TKTL1: variants seen among roughly 807,000 people sequenced by gnomAD.
TKTL1 encodes transketolase-like protein 1.
Under a neutral mutation model 39.3 loss-of-function variants are expected in TKTL1, and 1 was observed. That is an observed-to-expected ratio of 0.03 (90% CI 0.01 to 0.12). The LOEUF (loss-of-function observed/expected upper bound fraction) is 0.12. TKTL1 is among the 10% of genes least tolerant of loss of function. The probability of loss-of-function intolerance (pLI) is 1.00; values close to 1 mark genes in which losing one functional copy is unlikely to be tolerated. For missense variants in TKTL1, 575 were observed against 509.6 expected, an observed-to-expected ratio of 1.13 and a Z score of -1.24; for synonymous variants, 262 against 193.8, an observed-to-expected ratio of 1.35 and a Z score of -2.92.
chrX:154,298,145 G>C (rs2067245247), intron 1 of TKTL1, among the ~76,000 whole-genome samples: 1 of 111,291 alleles, frequency 9.0e-6, no homozygotes, highest in Admixed American at 9.6e-5. Flanking sequence ...TTGGCATGCA[G>C]TTATTCATAG....
intron 1 of TKTL1, among the ~76,000 whole-genome samples, chrX:154,304,619 TGGG>T (rs1178987039): frequency 1.9e-5 from 2 of 107,865 alleles, no homozygotes; most frequent in African/African-American, 6.8e-5. Flanking sequence ...ATTAAGAAAA[TGGG>T]GGAGGGACAG....
At chrX:154,322,229 C>CAAA (rs34229834) in intron 8 of TKTL1, among the ~76,000 whole-genome samples, 9 of 41,806 alleles carry the variant, frequency 2.2e-4, no homozygotes, top group Non-Finnish European at 3.5e-4. Context: ...GAGGCTTTGT[C>CAAA]AAAAAAAAAA....
At chrX:154,297,537 T>C (rs2067240250) in intron 1 of TKTL1, among the ~76,000 whole-genome samples, 1 of 111,913 alleles carries the variant, frequency 8.9e-6, no homozygotes, top group Admixed American at 9.4e-5. Flanking sequence ...ATTACAGGCG[T>C]GAGCCACCGC....
intron 6 of TKTL1, among the ~76,000 whole-genome samples, chrX:154,313,811 A>G (rs372513447): frequency 9.1e-6 from 1 of 109,392 alleles, no homozygotes; most frequent in African/African-American, 3.3e-5. Flanking sequence ...GTGCCATAAT[A>G]TGGTTCCAGG....
chrX:154,302,779 A>G (rs1307154759), intron 1 of TKTL1, among the ~76,000 whole-genome samples: 1 of 111,763 alleles, frequency 8.9e-6, no homozygotes, highest in African/African-American at 3.3e-5. Context: ...TCCAGTGACT[A>G]GTGTCCTTAT....
intron 6 of TKTL1, among the ~76,000 whole-genome samples, chrX:154,314,708 A>G (rs1281040920): frequency 5.4e-5 from 6 of 111,017 alleles, no homozygotes; most frequent in Non-Finnish European, 7.6e-5. Flanking sequence ...TATTTTTAGT[A>G]GAGACGGGGT....
intron 5 of TKTL1, 64 bp downstream of exon 5, chrX:154,311,302 C>T (rs2067355865): frequency 1.5e-5 from 18 of 1,194,309 alleles, no homozygotes; most frequent in Admixed American, 2.2e-5. Flanking sequence ...GCAGCAGAGG[C>T]GGGAGAGGCT....
At chrX:154,307,848 A>G (rs2067327032) in intron 2 of TKTL1, among the ~76,000 whole-genome samples, 1 of 111,953 alleles carries the variant, frequency 8.9e-6, no homozygotes, top group African/African-American at 3.2e-5. Context: ...GCATAGTCAA[A>G]AGAGACTTGA....
chrX:154,316,142 T>C (rs2067398098), intron 7 of TKTL1, among the ~76,000 whole-genome samples: 1 of 111,617 alleles, frequency 9.0e-6, no homozygotes, highest in Non-Finnish European at 1.9e-5. Flanking sequence ...AGTGCTCAGC[T>C]CACTGCAAGC....
Position 154,311,225 on chromosome X carries a change from C to T in TKTL1, c.657C>T (p.Gly219=). ...CTGTGGTGGCCAAGACCTTCAAGGG[C>T]CGGGGCACCCCAAGTAAGCAAGCAC... The part of the protein sequence containing the change: ...PTAVVAKTFK[G]RGTPSIEDAE... The change falls in exon 5 of 13, where the codon GGC becomes GGT. Residue 219 remains glycine (G), a synonymous_variant. Transcript: ENST00000369915. 1 of 1,211,434 alleles carries T rather than the reference C, an allele frequency of 8.3e-7. No individual in the cohort carries two copies. Among genetic ancestry groups the T allele is most frequent in the Non-Finnish European group, 1.1e-6 (1 of 895,147 alleles).
chrX:154,321,308 A>T (rs1335146232), intron 8 of TKTL1, among the ~76,000 whole-genome samples: 1 of 108,918 alleles, frequency 9.2e-6, no homozygotes, highest in Admixed American at 9.8e-5. Context: ...CTCAGGTGGG[A>T]GGGGGGCTGG....
At chrX:154,297,521 G>A (rs1480501021) in intron 1 of TKTL1, among the ~76,000 whole-genome samples, 1 of 111,908 alleles carries the variant, frequency 8.9e-6, no homozygotes, top group Non-Finnish European at 1.9e-5. Context: ...CTCCCAAAGT[G>A]CTGGGATTAC....
Position 154,295,817 on chromosome X carries a change from G to T in TKTL1, c.-43G>T, listed in dbSNP as rs782472980. ...GGCGCCATTCGCTCTTCAGACGCCGGAGACGTAGGAGTGGGTCTTCAGACT... is the reference window on the plus strand; with the variant it reads ...GGCGCCATTCGCTCTTCAGACGCCGTAGACGTAGGAGTGGGTCTTCAGACT... On this transcript the variant is annotated 5_prime_UTR_variant, in exon 1 of 13. Transcript: ENST00000369915. 6.7e-6 allele frequency: 8 copies of T among 1,191,740 alleles called. No individual in the cohort carries two copies. The highest frequency in any genetic ancestry group is 9.0e-6 in the Non-Finnish European group (8 of 884,977).
chrX:154,298,225 T>C (rs942931610), intron 1 of TKTL1, among the ~76,000 whole-genome samples: 2 of 111,107 alleles, frequency 1.8e-5, no homozygotes, highest in Non-Finnish European at 3.8e-5. Flanking sequence ...TTGTACTTTT[T>C]TTTTTTAAGC....
At position 154,295,961 on chromosome X, in the gene TKTL1, T is replaced by C. The variant is rs935490543; in HGVS notation, c.102T>C (p.His34=). 60 of 1,210,012 alleles carry C rather than the reference T, an allele frequency of 5.0e-5. No individual in the cohort carries two copies. Among genetic ancestry groups the C allele is most frequent in the Non-Finnish European group, 6.5e-5 (58 of 895,078 alleles). The change falls in exon 1 of 13, where the codon CAT becomes CAC. Residue 34 remains histidine (H), a synonymous_variant. Transcript: ENST00000369915. ...LQDMASRLRI[H]SIRATCSTSS... The stretch of plus-strand genomic sequence containing the variant: ...ATATGGCCAGCCGCTTGCGAATCCA[T>C]TCCATCAGGGCCACATGCTCCACGA...
At chrX:154,315,386 G>A in intron 7 of TKTL1, 49 bp downstream of exon 7, 4 of 1,084,223 alleles carry the variant, frequency 3.7e-6, no homozygotes, top group South Asian at 4.5e-5. Context: ...TGGCCCACTG[G>A]ACACAGGAGG....
rs138672715 is a variant in TKTL1, at chrX:154,302,340, G to C, written c.135-2964G>C. 2.1e-3 allele frequency among the ~76,000 whole-genome samples: 234 copies of C among 111,046 alleles called. 1 individual carries two copies. In the East Asian group the frequency reaches 0.052, roughly 25 times the overall value. On this transcript the variant is annotated intron_variant, in intron 1 of 12. Transcript: ENST00000369915. ...GGCACCCAAATCAGTTATCACTTAG[G>C]GCTGTTATAAGAAATGCCAAGACTG...
intron 7 of TKTL1, among the ~76,000 whole-genome samples, chrX:154,318,440 C>CT (rs1386254241): frequency 1.3e-4 from 14 of 108,796 alleles, no homozygotes; most frequent in African/African-American, 4.4e-4. Context: ...TGGCTCACGC[C>CT]TGTAATCCCA....
At chrX:154,326,738 A>C (rs1256831768) in intron 10 of TKTL1, among the ~76,000 whole-genome samples, 1 of 112,847 alleles carries the variant, frequency 8.9e-6, no homozygotes, top group Non-Finnish European at 1.9e-5. Context: ...TCTCTTTTCT[A>C]ATAATTTTCC....
Sources: gnomAD v4.1 joint callset for allele counts (sites outside exome capture counted in the v4.1 genomes callset) on GRCh38, gnomAD v4.1.1 for gene constraint, MANE v1.5 for transcripts, NCBI Gene and HGNC (gene_info 2026-07-23, HGNC 2026-07-21) for gene names.